Variants in ENAH observed in about 807,000 individuals in gnomAD.
ENAH encodes ENAH actin regulator.
ENAH carries 23 observed loss-of-function variants against 78.7 expected under a neutral mutation model. The ratio of observed to expected loss-of-function variants is 0.29; its 90% confidence interval spans 0.21 to 0.41. The LOEUF is 0.41. ENAH is among the 10% of genes least tolerant of loss of function. The probability of loss-of-function intolerance (pLI) is 1.00; values close to 1 mark genes in which losing one functional copy is unlikely to be tolerated. For synonymous variants in ENAH, 226 were observed against 241.0 expected (o/e 0.94, Z 0.58); for missense variants, 544 against 691.0 (o/e 0.79, Z 2.39).
At chr1:225,653,616 A>G (rs1663466771), upstream of ENAH, among the ~76,000 whole-genome samples, 1 of 151,490 alleles carries the variant, frequency 6.6e-6, no homozygotes, top group Non-Finnish European at 1.5e-5. The surrounding 1 kb of genome is among the most constrained non-coding windows in gnomAD (Gnocchi z 4.3). Flanking sequence ...CGGCGTGGGG[A>G]GCTTGGACGC....
chr1:225,495,244 A>T lies in ENAH; in HGVS notation c.*2531T>A, dbSNP rs2096243721. 6.6e-6 allele frequency: 1 copy of T among 152,586 alleles called. No individual in the cohort carries two copies. The highest frequency in any genetic ancestry group is 1.5e-5 in the Non-Finnish European group (1 of 68,022). The allele number at this position is 152,586 out of a possible 1,614,324, so 9.5% of individuals were successfully genotyped here. On this transcript the variant is annotated 3_prime_UTR_variant, in exon 14 of 14. Coordinates refer to ENST00000366843, the MANE Select transcript of ENAH (RefSeq NM_018212.6). ...CTTAAGACATCCAACGTACAAGAGC[A>T]CAAAAACCATCATAATAATGTGGTT...
At chr1:225,540,383 A>G (rs2096583368) in intron 3 of ENAH, among the ~76,000 whole-genome samples, 1 of 152,206 alleles carries the variant, frequency 6.6e-6, no homozygotes, top group African/African-American at 2.4e-5. Context: ...TTTACTCTTT[A>G]TAAGTAATTT....
rs1426380388 is a variant in ENAH at position 225,517,325 on chromosome 1, G to C, written c.803-19C>G. The C allele has an allele frequency of 6.4e-7, 1 of 1,551,796 alleles. No individual in the cohort carries two copies. The highest frequency in any genetic ancestry group is 8.7e-7 in the Non-Finnish European group (1 of 1,147,038). ...GGGGCAGCTGCAGAGGGAGAAGGGA[G>C]AACACTAGGCTTGGATGAGGGAGTT... On this transcript the variant is annotated intron_variant, in intron 5 of 13. Coordinates refer to ENST00000366843, the MANE Select transcript of ENAH (RefSeq NM_018212.6).
chr1:225,641,847 C>T (rs187452128), intron 1 of ENAH, among the ~76,000 whole-genome samples: 22 of 152,056 alleles, frequency 1.4e-4, no homozygotes, highest in African/African-American at 5.1e-4. Flanking sequence ...ATGGTGAAAC[C>T]CTGTCTCTAC....
intron 1 of ENAH, among the ~76,000 whole-genome samples, chr1:225,577,976 T>G (rs2096796377): frequency 6.6e-6 from 1 of 152,186 alleles, no homozygotes; most frequent in South Asian, 2.1e-4. Flanking sequence ...TTCCTCTTAC[T>G]TAAGTATAGA....
At chr1:225,506,612 T>A (rs2096332463) in intron 11 of ENAH, among the ~76,000 whole-genome samples, 1 of 152,164 alleles carries the variant, frequency 6.6e-6, no homozygotes, top group Admixed American at 6.5e-5. Flanking sequence ...AATGTGCAAT[T>A]TTTCTACTCT....
At chr1:225,523,257 T>C (rs1005482315) in intron 4 of ENAH, among the ~76,000 whole-genome samples, 1 of 151,820 alleles carries the variant, frequency 6.6e-6, no homozygotes, top group African/African-American at 2.4e-5. Context: ...AGTTAATGGC[T>C]GTTTCTCTAA....
intron 3 of ENAH, among the ~76,000 whole-genome samples, chr1:225,535,339 A>G (rs2096556529): frequency 6.6e-6 from 1 of 152,190 alleles, no homozygotes; most frequent in South Asian, 2.1e-4. Flanking sequence ...AAAGCTGACC[A>G]AATCACCTAC....
intron 3 of ENAH, among the ~76,000 whole-genome samples, chr1:225,533,702 T>G (rs1181491390): frequency 2.0e-5 from 3 of 152,158 alleles, no homozygotes; most frequent in Non-Finnish European, 4.4e-5. Flanking sequence ...TACAGTACCC[T>G]ATAAATGATT....
In ENAH at chr1:225,574,672, C is replaced by T. The variant is rs560544128; in HGVS notation, c.6-7258G>A. ...ATCCCAGCACTTTGGGAGGCCGAGG[C>T]GGGCGGATCACGAGGTCAGGAGATC... On this transcript the variant is annotated intron_variant, in intron 1 of 13. Transcript: ENST00000366843. 8.7e-4 allele frequency among the ~76,000 whole-genome samples: 2 copies of T among 2,296 alleles called. 1 individual carries two copies. The highest frequency in any genetic ancestry group is 7.8e-3 in the Admixed American group (2 of 256). The allele number at this position is 2,296 out of a possible 152,430, so 1.5% of individuals were successfully genotyped here.
chr1:225,608,815 CAAAAAAAAAA>C lies in ENAH; in HGVS notation c.6-41411_6-41402del, dbSNP rs928281132. Among the ~76,000 whole-genome samples the C allele has an allele frequency of 7.7e-4, 16 of 20,668 alleles. No homozygotes were observed. The East Asian group carries it at 0.026, about 34-fold the overall frequency. 13.6% of individuals were successfully genotyped at this position (20,668 alleles called of 152,430 possible). A position where few individuals can be genotyped will look rare whatever the true frequency, so the allele number is the denominator to read the frequency against. On this transcript the variant is annotated intron_variant, in intron 1 of 13. Transcript: ENST00000366843. ...TGGGCGACAGAGCGAGACTCTGTCT[CAAAAAAAAAA>C]AAAAAAAAAAAAAAAAGGAGGGGGG...
chr1:225,512,815 A>G, intron 8 of ENAH, 56 bp downstream of exon 8: 1 of 1,608,678 alleles, frequency 6.2e-7, no homozygotes, highest in Admixed American at 1.7e-5. Flanking sequence ...TTGTATTTGG[A>G]ATACAATTAA....
chr1:225,504,091 C>G (rs527728296), intron 11 of ENAH, among the ~76,000 whole-genome samples: 7 of 151,838 alleles, frequency 4.6e-5, no homozygotes, highest in African/African-American at 1.7e-4. Context: ...ACTGCAGCCT[C>G]TAACTCCTAT....
intron 1 of ENAH, among the ~76,000 whole-genome samples, chr1:225,587,419 T>C (rs895532156): frequency 3.3e-5 from 5 of 152,180 alleles, no homozygotes; most frequent in Admixed American, 2.0e-4. Context: ...AAAAACTGCA[T>C]TTGCAATAGC....
chr1:225,605,267 GA>G (rs1211045722), intron 1 of ENAH, among the ~76,000 whole-genome samples: 1 of 152,084 alleles, frequency 6.6e-6, no homozygotes, highest in Non-Finnish European at 1.5e-5. Flanking sequence ...AAATAAGGGG[GA>G]AGGATACAAA....
chr1:225,502,882 A>G (rs1279513850), intron 11 of ENAH, among the ~76,000 whole-genome samples: 1 of 152,138 alleles, frequency 6.6e-6, no homozygotes, highest in Non-Finnish European at 1.5e-5. Flanking sequence ...TATAATTCAT[A>G]CTCTGCTTTT....
intron 1 of ENAH, among the ~76,000 whole-genome samples, chr1:225,614,422 G>C (rs2097012414): frequency 6.6e-6 from 1 of 152,186 alleles, no homozygotes; most frequent in Non-Finnish European, 1.5e-5. Context: ...GGAAGGTCTG[G>C]AAGGGTCCTA....
chr1:225,498,070 T>C (rs541229915), intron 13 of ENAH, among the ~76,000 whole-genome samples: 1 of 152,226 alleles, frequency 6.6e-6, no homozygotes, highest in South Asian at 2.1e-4. Flanking sequence ...GATAGGTGAG[T>C]AGAGGTAACC....
chr1:225,556,052 G>C (rs1328171498), intron 2 of ENAH, among the ~76,000 whole-genome samples: 1 of 152,088 alleles, frequency 6.6e-6, no homozygotes, highest in Non-Finnish European at 1.5e-5. Context: ...GCTGTGGTTT[G>C]TTCATTTTCA....
Sources: gnomAD v4.1 joint callset for allele counts (sites outside exome capture counted in the v4.1 genomes callset) on GRCh38, gnomAD v4.1.1 for gene constraint, Gnocchi (gnomAD v3.1) non-coding constraint, MANE v1.5 for transcripts, NCBI Gene and HGNC (gene_info 2026-07-23, HGNC 2026-07-21) for gene names.